The following RAD54L variants were observed in gnomAD, a reference collection of about 807,000 sequenced individuals.
RAD54L encodes DNA repair and recombination protein RAD54-like.
Under a neutral mutation model 91.6 loss-of-function variants are expected in RAD54L, and 74 were observed. The ratio of observed to expected loss-of-function variants is 0.81; its 90% CI spans 0.67 to 0.98. The LOEUF (loss-of-function observed/expected upper bound fraction) is 0.98, where lower values mean the gene tolerates loss of function less well. RAD54L is among the 50% of genes least tolerant of loss of function. RAD54L has a pLI of 0.00. For missense variants in RAD54L, 887 were observed against 945.7 expected (o/e 0.94, Z 0.81); for synonymous variants, 304 against 349.7 (o/e 0.87, Z 1.46).
At chr1:46,271,758 A>G (rs531350905) in intron 10 of RAD54L, among the ~76,000 whole-genome samples, 7 of 152,266 alleles carry the variant, frequency 4.6e-5, no homozygotes, top group Non-Finnish European at 1.0e-4. Flanking sequence ...CAGGAGGTCT[A>G]TGCTTAATTT....
At position 46,267,474 on chromosome 1, in the gene RAD54L, A is replaced by T. The variant is rs1660298577; in HGVS notation, c.907A>T (p.Asn303Tyr). Residue 303 changes from asparagine to tyrosine, a missense_variant, in exon 9 of 18, where the codon AAC becomes TAC. Coordinates refer to ENST00000371975, the MANE Select transcript of RAD54L (RefSeq NM_003579.4). ...TCTCTTGCAGGGACACAGGCTCAAG[A>T]ACTCTGAGAATCAGACTTACCAAGC... ...VICDEGHRLKNSENQTYQALD... is the reference protein window; with the variant it reads ...VICDEGHRLKYSENQTYQALD... 1 of 1,614,094 alleles carries T rather than the reference A, an allele frequency of 6.2e-7. No individual in the cohort carries two copies.
At chr1:46,268,766 T>C (rs1368128299) in intron 9 of RAD54L, among the ~76,000 whole-genome samples, 6 of 152,252 alleles carry the variant, frequency 3.9e-5, no homozygotes, top group Non-Finnish European at 4.4e-5. Flanking sequence ...CAATTTATTC[T>C]ACTGGTTTGG....
At chr1:46,254,060 T>G (rs1466227644) in intron 3 of RAD54L, among the ~76,000 whole-genome samples, 2 of 152,012 alleles carry the variant, frequency 1.3e-5, no homozygotes, top group Non-Finnish European at 2.9e-5. Flanking sequence ...CTGCAACCTC[T>G]GCCTCCCAGG....
Position 46,270,646 on chromosome 1 carries a change from C to T in RAD54L, c.1043-13C>T, listed in dbSNP as rs1660395666. On this transcript the variant is annotated splice_polypyrimidine_tract_variant and intron_variant, in intron 9 of 17. Coordinates refer to ENST00000371975, the MANE Select transcript of RAD54L (RefSeq NM_003579.4). ...TTCCACATTCTTCTGTTTTCCTTCTCTCCTGTGTTTAGGGACTGCCCATGA... is the reference window on the plus strand; with the variant it reads ...TTCCACATTCTTCTGTTTTCCTTCTTTCCTGTGTTTAGGGACTGCCCATGA... 1 of 1,612,306 alleles carries T rather than the reference C, an allele frequency of 6.2e-7. No individual in the cohort carries two copies. The highest frequency in any genetic ancestry group is 1.7e-5 in the Admixed American group (1 of 59,990).
intron 8 of RAD54L, among the ~76,000 whole-genome samples, chr1:46,267,041 G>C (rs1358201353): frequency 6.6e-6 from 1 of 152,126 alleles, no homozygotes; most frequent in African/African-American, 2.4e-5. Context: ...TTTTTGTTGA[G>C]ACAGTTTCTC....
chr1:46,258,866 G>C (rs1429188016), intron 4 of RAD54L, 120 bp downstream of exon 4: 1 of 840,072 alleles, frequency 1.2e-6, no homozygotes, highest in Non-Finnish European at 2.0e-6. Flanking sequence ...GTCCAGCGGT[G>C]GCTGTGTTTG....
Position 46,272,820 on chromosome 1 carries a change from C to T in RAD54L, c.1375+18C>T. The T allele has an allele frequency of 6.2e-7, 1 of 1,613,948 alleles. No individual in the cohort carries two copies. On this transcript the variant is annotated intron_variant, in intron 12 of 17. Coordinates refer to ENST00000371975, the MANE Select transcript of RAD54L (RefSeq NM_003579.4). ...TTGTAATCGTGAGTTGGGCTTGTGT[C>T]CTGGTGTCCTCTGTGAGAGTGAGCA...
chr1:46,271,860 T>G (rs1660437088), intron 10 of RAD54L, among the ~76,000 whole-genome samples: 1 of 151,992 alleles, frequency 6.6e-6, no homozygotes, highest in South Asian at 2.1e-4. Flanking sequence ...TTGCTTTTCC[T>G]GTTAGAGCTC....
Position 46,267,612 on chromosome 1 carries a change from A to G in RAD54L, c.1042+3A>G, listed in dbSNP as rs1231245416. ...TTTTGTTAATTCCGGCATCCTAGGT[A>G]AGAATCTAGCCTTGTTTGCCACATC... On this transcript the variant is annotated splice_donor_region_variant and intron_variant, in intron 9 of 17. Transcript: ENST00000371975. 6.2e-7 allele frequency: 1 copy of G among 1,607,398 alleles called. No homozygotes were observed. Among genetic ancestry groups the G allele is most frequent in the Non-Finnish European group, 8.5e-7 (1 of 1,174,002 alleles).
At chr1:46,255,737 G>A (rs1236330419) in intron 3 of RAD54L, among the ~76,000 whole-genome samples, 1 of 152,074 alleles carries the variant, frequency 6.6e-6, no homozygotes, top group Non-Finnish European at 1.5e-5. Context: ...CTGACCTCAG[G>A]TGACCTGCCC....
Position 46,273,706 on chromosome 1 carries a change from C to A in RAD54L, c.1569C>A (p.Thr523=). The change falls in exon 14 of 18, where the codon ACC becomes ACA. Residue 523 remains threonine, a synonymous_variant. Coordinates refer to ENST00000371975, the MANE Select transcript of RAD54L (RefSeq NM_003579.4). ...SDKVVLVSNY[T]QTLDLFEKLC... is the part of the protein sequence containing the mutation. ...AAGTAGTGCTGGTGTCGAATTACAC[C>A]CAGACTTTGGATCTCTTTGAGAAGC... 3.1e-6 allele frequency: 5 copies of A among 1,613,072 alleles called. No individual in the cohort carries two copies. Among genetic ancestry groups the A allele is most frequent in the Non-Finnish European group, 4.2e-6 (5 of 1,179,582 alleles).
In RAD54L at chr1:46,261,184, ACTGT is replaced by A. The variant is rs760649127; in HGVS notation, c.767-74_767-71del. 1,001 of 1,588,278 alleles carry A rather than the reference ACTGT, an allele frequency of 6.3e-4. 2 individuals carry two copies. Among genetic ancestry groups the A allele is most frequent in the Non-Finnish European group, 7.7e-4 (899 of 1,163,796 alleles). ...AGTTGTTTCCAGGCTAAATTAAAGAACTGTCTAATTGTTTTTTTTGTTTTTTTTT... is the reference window on the plus strand; with the variant it reads ...AGTTGTTTCCAGGCTAAATTAAAGAACTAATTGTTTTTTTTGTTTTTTTTT... On this transcript the variant is annotated intron_variant, in intron 7 of 17. Coordinates refer to ENST00000371975, the MANE Select transcript of RAD54L (RefSeq NM_003579.4).
chr1:46,253,775 G>GTGC (rs1659867606), intron 3 of RAD54L, among the ~76,000 whole-genome samples: 1 of 131,012 alleles, frequency 7.6e-6, no homozygotes, highest in Non-Finnish European at 1.5e-5. Flanking sequence ...CCAGGCTGGA[G>GTGC]TGCTGCAGTG....
At position 46,265,979 on chromosome 1, in the gene RAD54L, G is replaced by A. The variant is rs146754849; in HGVS notation, c.892-1480G>A. On this transcript the variant is annotated intron_variant, in intron 8 of 17. Coordinates refer to ENST00000371975, the MANE Select transcript of RAD54L (RefSeq NM_003579.4). This position sits in a 1 kb window ranked among gnomAD's most constrained non-coding sequence, Gnocchi z 4.8. ...AGGTAAAGTGTTTAGTTAGTACCAT[G>A]CCTACCACATTAAACGGGTTCACTA... is the stretch of plus-strand genomic sequence containing the variant. 5.3e-5 allele frequency among the ~76,000 whole-genome samples: 8 copies of A among 152,282 alleles called. No homozygotes were observed. Among genetic ancestry groups the A allele is most frequent in the African/African-American group, 1.9e-4 (8 of 41,552 alleles).
At position 46,265,158 on chromosome 1, in the gene RAD54L, C is replaced by T. The variant is rs1660231891; in HGVS notation, c.892-2301C>T. On this transcript the variant is annotated intron_variant, in intron 8 of 17. Transcript: ENST00000371975. The surrounding 1 kb of genome is among the most constrained non-coding windows in gnomAD (Gnocchi z 4.8). ...TCTAAGGCTTTTTTTAGGGCTAGTA[C>T]TTGGAGCCTCTAATAATTTTTTTTT... is the stretch of plus-strand genomic sequence containing the variant. Among the ~76,000 whole-genome samples the T allele has an allele frequency of 6.6e-6, 1 of 151,476 alleles. No individual in the cohort carries two copies. The highest frequency in any genetic ancestry group is 1.5e-5 in the Non-Finnish European group (1 of 67,862).
intron 8 of RAD54L, among the ~76,000 whole-genome samples, chr1:46,266,390 A>T (rs1307613053): frequency 6.6e-6 from 1 of 152,230 alleles, no homozygotes; most frequent in Admixed American, 6.5e-5. Flanking sequence ...CTGATTGCTG[A>T]TTCTTGGTTG....
In RAD54L at chr1:46,263,114, A is replaced by T. The variant is rs1660176079; in HGVS notation, c.891+1729A>T. ...GGCTGGGGGTACTTGCAAGAACAAA[A>T]GCAGAGATAAGAAAGTCCATACACC... On this transcript the variant is annotated intron_variant, in intron 8 of 17. Coordinates refer to ENST00000371975, the MANE Select transcript of RAD54L (RefSeq NM_003579.4). This position sits in a 1 kb window ranked among gnomAD's most constrained non-coding sequence, Gnocchi z 4.3. 6.6e-6 allele frequency among the ~76,000 whole-genome samples: 1 copy of T among 152,222 alleles called. No homozygotes were observed. The highest frequency in any genetic ancestry group is 2.4e-5 in the African/African-American group (1 of 41,460).
intron 3 of RAD54L, among the ~76,000 whole-genome samples, chr1:46,255,699 C>G (rs904027785): frequency 6.6e-6 from 1 of 152,026 alleles, no homozygotes; most frequent in Non-Finnish European, 1.5e-5. Flanking sequence ...CGGGGTTTCA[C>G]CATGTTGGCA....
At chr1:46,250,258 A>G (rs1659761434) in intron 3 of RAD54L, 139 bp downstream of exon 3, 2 of 1,214,184 alleles carry the variant, frequency 1.6e-6, no homozygotes, top group South Asian at 1.2e-5. Flanking sequence ...GGACCTGCCC[A>G]CAGCTGCTGG....
Sources: allele counts gnomAD v4.1 joint callset (sites outside exome capture counted in the v4.1 genomes callset), GRCh38; gene constraint gnomAD v4.1.1; non-coding constraint Gnocchi (gnomAD v3.1); transcripts MANE v1.5; gene names NCBI Gene and HGNC (gene_info 2026-07-23, HGNC 2026-07-21).